Variants in PDE6A observed in about 807,000 individuals in gnomAD.
The protein encoded by PDE6A is rod cGMP-specific 3',5'-cyclic phosphodiesterase subunit alpha.
Under a neutral mutation model 106.3 loss-of-function variants are expected in PDE6A, and 84 were observed. The observed-to-expected ratio is 0.79, with a 90% CI of 0.66 to 0.95. The LOEUF is 0.95. Among genes scored for constraint, PDE6A ranks in the 40% least tolerant of loss-of-function variants. PDE6A has a pLI of 0.00. For missense variants in PDE6A, 1,052 were observed against 1,084.9 expected, an observed-to-expected ratio of 0.97 and a Z score of 0.43; for synonymous variants, 394 against 386.6, an observed-to-expected ratio of 1.02 and a Z score of -0.23.
At chr5:149,882,968 G>A (rs1172243354) in intron 17 of PDE6A, among the ~76,000 whole-genome samples, 1 of 152,156 alleles carries the variant, frequency 6.6e-6, no homozygotes, top group Non-Finnish European at 1.5e-5. Context: ...TGAGGCAGGA[G>A]AATTGCTTGA....
intron 1 of PDE6A, among the ~76,000 whole-genome samples, chr5:149,938,346 G>A (rs865940802): frequency 6.6e-5 from 10 of 152,160 alleles, no homozygotes; most frequent in African/African-American, 2.4e-4. Context: ...GAAAGCAGGG[G>A]CAGATAACAA....
At chr5:149,895,033 T>C (rs1752683820) in intron 13 of PDE6A, 150 bp downstream of exon 13, 1 of 658,628 alleles carries the variant, frequency 1.5e-6, no homozygotes, top group South Asian at 1.6e-5. Flanking sequence ...TTGGAATCCT[T>C]TTACACTAAG....
intron 1 of PDE6A, among the ~76,000 whole-genome samples, chr5:149,938,120 T>G (rs1253617447): frequency 6.6e-6 from 1 of 152,174 alleles, no homozygotes; most frequent in Non-Finnish European, 1.5e-5. Flanking sequence ...TCAAAGCATG[T>G]GAAGCAGACC....
intron 6 of PDE6A, among the ~76,000 whole-genome samples, chr5:149,912,927 G>A (rs1204697499): frequency 6.6e-6 from 1 of 152,124 alleles, no homozygotes; most frequent in Non-Finnish European, 1.5e-5. Context: ...TGGTCAAGCA[G>A]AGACAAACAG....
At chr5:149,905,437 AT>A (rs1753146037) in intron 7 of PDE6A, among the ~76,000 whole-genome samples, 1 of 152,178 alleles carries the variant, frequency 6.6e-6, no homozygotes. Flanking sequence ...CTCCTAAAAA[AT>A]GTCATAGTTT....
intron 5 of PDE6A, among the ~76,000 whole-genome samples, chr5:149,920,954 G>GAA (rs1554091221): frequency 1.7e-5 from 2 of 120,320 alleles, no homozygotes; most frequent in African/African-American, 9.8e-5. Context: ...AAGAAAGAAA[G>GAA]AAAGAAAGAA....
At chr5:149,932,553 C>T in intron 3 of PDE6A, 1 of 1,462,314 alleles carries the variant, frequency 6.8e-7, no homozygotes, top group East Asian at 2.3e-5. Context: ...TTTTTGGAAT[C>T]CCTGTTCCAG....
intron 3 of PDE6A, among the ~76,000 whole-genome samples, chr5:149,931,802 C>T (rs935512438): frequency 1.4e-4 from 22 of 152,122 alleles, no homozygotes; most frequent in Non-Finnish European, 3.2e-4. Flanking sequence ...AGATGAATTC[C>T]TTTTAAAAAA....
intron 20 of PDE6A, among the ~76,000 whole-genome samples, chr5:149,864,261 C>A (rs1046664474): frequency 6.7e-6 from 1 of 149,920 alleles, no homozygotes; most frequent in Non-Finnish European, 1.5e-5. Context: ...TTTTTTGAAA[C>A]TGAGTTTTGC....
chr5:149,884,488 AG>A lies in PDE6A; in HGVS notation c.2017del (p.Leu673CysfsTer29). The A allele has an allele frequency of 6.2e-7, 1 of 1,609,318 alleles. No individual in the cohort carries two copies. Among genetic ancestry groups the A allele is most frequent in the South Asian group, 1.1e-5 (1 of 91,012 alleles). ...DIAIIATDLA[L>X]YFKKRTMFQK... is the part of the protein sequence containing the mutation. ...GAGAAGATATACCAACTTGAAATAC[AG>A]GGCGAGGTCTGTGGCAATGATTGCA... On this transcript the variant is annotated frameshift_variant, in exon 16 of 22. Transcript: ENST00000255266. LOFTEE classifies it high-confidence loss of function.
chr5:149,891,912 A>G (rs1752560045), intron 13 of PDE6A, among the ~76,000 whole-genome samples: 1 of 152,236 alleles, frequency 6.6e-6, no homozygotes, highest in Non-Finnish European at 1.5e-5. Context: ...CTGAACACTT[A>G]CAAATGGATT....
At chr5:149,876,281 T>C (rs77695589) in intron 17 of PDE6A, among the ~76,000 whole-genome samples, 2,339 of 152,144 alleles carry the variant, frequency 0.015, 29 homozygotes, top group Middle Eastern at 0.065. Flanking sequence ...AGTATTGGTT[T>C]ATGAATGAAT....
At chr5:149,884,022 A>G (rs955268644) in intron 16 of PDE6A, among the ~76,000 whole-genome samples, 6 of 151,916 alleles carry the variant, frequency 3.9e-5, no homozygotes, top group Non-Finnish European at 7.4e-5. Flanking sequence ...GTGAGAACCC[A>G]TCTTTACAGC....
At chr5:149,923,697 T>C (rs1420993402) in intron 4 of PDE6A, among the ~76,000 whole-genome samples, 2 of 152,116 alleles carry the variant, frequency 1.3e-5, no homozygotes, top group African/African-American at 4.8e-5. Flanking sequence ...ACCACACAGG[T>C]TCTTCCCCAC....
chr5:149,895,421 C>T, intron 12 of PDE6A, 131 bp from the exon 13 acceptor site: 2 of 716,742 alleles, frequency 2.8e-6, no homozygotes, highest in Non-Finnish European at 2.6e-6. Flanking sequence ...CTAACCCCAT[C>T]ATTGGACCAG....
intron 21 of PDE6A, among the ~76,000 whole-genome samples, chr5:149,862,361 A>G (rs962390764): frequency 1.6e-4 from 24 of 152,348 alleles, no homozygotes; most frequent in Middle Eastern, 3.4e-3. Flanking sequence ...TGAGGATGTC[A>G]TATAAGATAG....
At chr5:149,915,851 A>C (rs556454148) in intron 5 of PDE6A, among the ~76,000 whole-genome samples, 19 of 151,662 alleles carry the variant, frequency 1.3e-4, no homozygotes, top group Non-Finnish European at 2.8e-4. Flanking sequence ...ATAGTTGCTG[A>C]AACAACCTGC....
At chr5:149,931,977 T>G in intron 3 of PDE6A, 13 of 1,300,496 alleles carry the variant, frequency 1.0e-5, no homozygotes, top group Non-Finnish European at 1.4e-5. Flanking sequence ...TTCCAGCTGT[T>G]GAGATAATAT....
chr5:149,914,340 G>T (rs948846584), intron 6 of PDE6A, among the ~76,000 whole-genome samples: 3 of 152,140 alleles, frequency 2.0e-5, no homozygotes, highest in Non-Finnish European at 4.4e-5. Flanking sequence ...ATTGGATTTG[G>T]TCAGTGTTGA....
Sources: allele counts gnomAD v4.1 joint callset (sites outside exome capture counted in the v4.1 genomes callset), GRCh38; gene constraint gnomAD v4.1.1; transcripts MANE v1.5; gene names NCBI Gene and HGNC (gene_info 2026-07-23, HGNC 2026-07-21).